Variants in PKLR observed in about 807,000 individuals in gnomAD.
PKLR encodes pyruvate kinase PKLR.
PKLR carries 38 observed loss-of-function variants against 53.6 expected under a neutral mutation model. That is an observed-to-expected ratio of 0.71 (90% confidence interval 0.55 to 0.93). PKLR has a LOEUF of 0.93. Ranked by LOEUF, PKLR falls within the 40% of genes least tolerant of loss-of-function variation. The pLI is 0.00. For synonymous variants in PKLR, 328 were observed against 316.2 expected (o/e 1.04, Z -0.39); for missense variants, 702 against 787.3 (o/e 0.89, Z 1.30).
chr1:155,295,533 C>A lies in PKLR; in HGVS notation c.411G>T (p.Ala137=). 6.2e-7 allele frequency: 1 copy of A among 1,613,394 alleles called. No individual in the cohort carries two copies. ...GTGGGGAACCTGCAAAGCTCTCCAC[C>A]GCCTCCCGGACGTTGGCGATGGACT... is the stretch of plus-strand genomic sequence containing the variant. ...HAESIANVRE[A]VESFAGSPLS... Residue 137 remains alanine (A), a synonymous_variant, in exon 4 of 11, where the codon GCG becomes GCT. Coordinates refer to ENST00000342741, the MANE Select transcript of PKLR (RefSeq NM_000298.6). The surrounding 1 kb of genome is among the most constrained non-coding windows in gnomAD (Gnocchi z 4.3).
At chr1:155,299,256 T>C (rs912085578) in intron 2 of PKLR, among the ~76,000 whole-genome samples, 1 of 150,858 alleles carries the variant, frequency 6.6e-6, no homozygotes, top group African/African-American at 2.4e-5. Flanking sequence ...AGTGGCTCGA[T>C]CATGACTCAC....
chr1:155,307,122 C>T, the PKLR span, among the ~76,000 whole-genome samples: 5 of 152,104 alleles, frequency 3.3e-5, no homozygotes, highest in South Asian at 2.1e-4. Flanking sequence ...ACTATGTTGG[C>T]CAGGCTGGTC....
Position 155,295,782 on chromosome 1 carries a change from C to T in PKLR, c.284-26G>A, listed in dbSNP as rs775590261. 6.3e-7 allele frequency: 1 copy of T among 1,599,494 alleles called. No individual in the cohort carries two copies. The highest frequency in any genetic ancestry group is 8.6e-7 in the Non-Finnish European group (1 of 1,166,838). On this transcript the variant is annotated intron_variant, in intron 2 of 10. Coordinates refer to ENST00000342741, the MANE Select transcript of PKLR (RefSeq NM_000298.6). This position sits in a 1 kb window ranked among gnomAD's most constrained non-coding sequence, Gnocchi z 4.3. ...CTAGAACCAGAGATTCACGTTCAGA[C>T]AACGTTCCCCCAGAACATGAGAGGC...
intron 10 of PKLR, among the ~76,000 whole-genome samples, chr1:155,291,025 TAATAATAATAATAATAAA>T (rs1282610755): frequency 7.1e-6 from 1 of 140,016 alleles, no homozygotes; most frequent in Admixed American, 7.1e-5. Flanking sequence ...ATAATAATAA[TAATAATAATAATAATAAA>T]AGAAGAAAAG....
At chr1:155,294,106 C>A in intron 7 of PKLR, 129 bp downstream of exon 7, 1 of 1,091,222 alleles carries the variant, frequency 9.2e-7, no homozygotes. Flanking sequence ...GCACTCCAGC[C>A]TGGATGACAG....
the PKLR span, among the ~76,000 whole-genome samples, chr1:155,306,858 G>A: frequency 1.7e-3 from 266 of 152,258 alleles, 2 homozygotes; most frequent in Middle Eastern, 0.027. The surrounding 1 kb of genome is among the most constrained non-coding windows in gnomAD (Gnocchi z 4.2). Context: ...TTTTCCTTCT[G>A]GTGGGTTCGT....
At position 155,294,349 on chromosome 1, in the gene PKLR, C is replaced by G; in HGVS notation, c.1002G>C (p.Met334Ile). The stretch of plus-strand genomic sequence containing the variant: ...CGATGCCTAGGTCCCCCCGTGCCAC[C>G]ATGATGCCGTCGCTCACCTCCAGGA... Reference protein sequence around the residue: ...DEILEVSDGIMVARGDLGIEI... With the variant: ...DEILEVSDGIIVARGDLGIEI... The change falls in exon 7 of 11, where the codon ATG (methionine) becomes ATC (isoleucine). Residue 334 changes from methionine (M) to isoleucine (I), a missense_variant. By Grantham distance (10) the Met-to-Ile change is conservative. Coordinates refer to ENST00000342741, the MANE Select transcript of PKLR (RefSeq NM_000298.6). The G allele has an allele frequency of 6.2e-7, 1 of 1,614,130 alleles. No homozygotes were observed. The highest frequency in any genetic ancestry group is 8.5e-7 in the Non-Finnish European group (1 of 1,180,020).
At chr1:155,300,794 C>T (rs757483427) in intron 1 of PKLR, 5 of 1,493,480 alleles carry the variant, frequency 3.3e-6, no homozygotes, top group South Asian at 1.2e-5. Flanking sequence ...TCTGAGTCTC[C>T]CCAGGCTTCT....
At chr1:155,297,043 A>G (rs535877853) in intron 2 of PKLR, among the ~76,000 whole-genome samples, 3 of 152,040 alleles carry the variant, frequency 2.0e-5, no homozygotes, top group Admixed American at 1.3e-4. Flanking sequence ...GTTGACTCCT[A>G]CCTCACTAGC....
At chr1:155,298,998 CTTTCTTTCT>C (rs1337368802) in intron 2 of PKLR, among the ~76,000 whole-genome samples, 6 of 98,738 alleles carry the variant, frequency 6.1e-5, no homozygotes, top group African/African-American at 5.6e-5. Flanking sequence ...TTCTTTCTTT[CTTTCTTTCT>C]TTCTTTCTTT....
intron 10 of PKLR, among the ~76,000 whole-genome samples, chr1:155,291,033 ATAATAAT>A (rs1674515913): frequency 8.3e-6 from 1 of 120,070 alleles, no homozygotes; most frequent in African/African-American, 3.2e-5. Context: ...AATAATAATA[ATAATAAT>A]AAAAGAAGAA....
At chr1:155,301,896 A>T (rs867180955), upstream of PKLR, among the ~76,000 whole-genome samples, 935 of 152,190 alleles carry the variant, frequency 6.1e-3, 11 homozygotes, top group African/African-American at 0.022. Context: ...TACATGTTTG[A>T]ACCCAAGATG....
At chr1:155,303,459 G>C (rs1648142503), upstream of PKLR, among the ~76,000 whole-genome samples, 1 of 152,188 alleles carries the variant, frequency 6.6e-6, no homozygotes, top group Non-Finnish European at 1.5e-5. Context: ...AAAACAGACA[G>C]GGCCTTTGCC....
At chr1:155,305,086 C>T (rs1461337515), upstream of PKLR, among the ~76,000 whole-genome samples, 2 of 152,086 alleles carry the variant, frequency 1.3e-5, no homozygotes, top group African/African-American at 4.8e-5. Context: ...ATTCTAGGGA[C>T]CATTCTCTCC....
chr1:155,301,115 TG>T, intron 1 of PKLR, 180 bp downstream of exon 1: 1 of 1,397,352 alleles, frequency 7.2e-7, no homozygotes. Flanking sequence ...CTATAGGGCC[TG>T]GAAAAGACCC....
chr1:155,290,681 G>T lies in PKLR; in HGVS notation c.1619-3C>A, dbSNP rs777609966. On this transcript the variant is annotated splice_region_variant and splice_polypyrimidine_tract_variant and intron_variant, in intron 10 of 10. Coordinates refer to ENST00000342741, the MANE Select transcript of PKLR (RefSeq NM_000298.6). ...ACGGAGGAAGCCACGGAGCTTTCCT[G>T]GGGGAGGGAAAGAAAACAAATCATT... 2.3e-5 allele frequency: 36 copies of T among 1,584,060 alleles called. No individual in the cohort carries two copies. In the Admixed American group the frequency reaches 3.5e-4, roughly 15 times the overall value.
In PKLR at chr1:155,290,681, G is replaced by A; in HGVS notation, c.1619-3C>T. 1 of 1,584,182 alleles carries A rather than the reference G, an allele frequency of 6.3e-7. No individual in the cohort carries two copies. Among genetic ancestry groups the A allele is most frequent in the Non-Finnish European group, 8.7e-7 (1 of 1,153,160 alleles). ...ACGGAGGAAGCCACGGAGCTTTCCT[G>A]GGGGAGGGAAAGAAAACAAATCATT... On this transcript the variant is annotated splice_region_variant and splice_polypyrimidine_tract_variant and intron_variant, in intron 10 of 10. Transcript: ENST00000342741.
intron 2 of PKLR, among the ~76,000 whole-genome samples, chr1:155,297,997 A>G (rs116186290): frequency 0.022 from 3,373 of 151,988 alleles, 126 homozygotes; most frequent in African/African-American, 0.078. Flanking sequence ...TGCCCTTATC[A>G]CACTTGATTT....
At chr1:155,307,405 A>G in the PKLR span, among the ~76,000 whole-genome samples, 1 of 152,206 alleles carries the variant, frequency 6.6e-6, no homozygotes, top group South Asian at 2.1e-4. Context: ...TAAGGCTGAG[A>G]CCTACTGGAC....
Sources: gnomAD v4.1 joint callset for allele counts (sites outside exome capture counted in the v4.1 genomes callset) on GRCh38, gnomAD v4.1.1 for gene constraint, Gnocchi (gnomAD v3.1) non-coding constraint, MANE v1.5 for transcripts, NCBI Gene and HGNC (gene_info 2026-07-23, HGNC 2026-07-21) for gene names.